Variants in SH3GL2 observed in about 807,000 individuals in gnomAD.
SH3GL2 encodes endophilin-A1.
A neutral mutation model predicts 46.0 loss-of-function variants in SH3GL2; 24 were observed. The ratio of observed to expected loss-of-function variants is 0.52; its 90% confidence interval spans 0.38 to 0.73. SH3GL2 has a LOEUF of 0.73. Ranked by LOEUF, SH3GL2 falls within the 30% of genes least tolerant of loss-of-function variation. SH3GL2 has a pLI of 0.00. For synonymous variants in SH3GL2, 196 were observed against 147.1 expected (o/e 1.33, Z -2.40); for missense variants, 413 against 424.2 (o/e 0.97, Z 0.23).
At chr9:17,763,257 G>T (rs1035181526) in intron 3 of SH3GL2, among the ~76,000 whole-genome samples, 2 of 152,182 alleles carry the variant, frequency 1.3e-5, no homozygotes, top group Admixed American at 6.5e-5. Context: ...TCTGTTGTAG[G>T]TAGGTGTGGT....
intron 1 of SH3GL2, among the ~76,000 whole-genome samples, chr9:17,690,166 T>C (rs899765791): frequency 6.6e-6 from 1 of 152,156 alleles, no homozygotes; most frequent in Non-Finnish European, 1.5e-5. Context: ...CTCTGATTTA[T>C]GTCTACACCC....
At chr9:17,772,082 C>T (rs1031953045) in intron 3 of SH3GL2, among the ~76,000 whole-genome samples, 2 of 152,146 alleles carry the variant, frequency 1.3e-5, no homozygotes, top group Non-Finnish European at 2.9e-5. Flanking sequence ...CATCAGAGGG[C>T]CACGTTTCAG....
chr9:17,740,899 G>C (rs572874196), intron 1 of SH3GL2, among the ~76,000 whole-genome samples: 1 of 152,246 alleles, frequency 6.6e-6, no homozygotes, highest in East Asian at 1.9e-4. Context: ...TGAAGAAATT[G>C]AGGCAGCAAG....
At chr9:17,743,921 T>C (rs1822606316) in intron 1 of SH3GL2, among the ~76,000 whole-genome samples, 1 of 152,216 alleles carries the variant, frequency 6.6e-6, no homozygotes, top group Non-Finnish European at 1.5e-5. Flanking sequence ...AGCTATATAT[T>C]TCCTTGTGTG....
At chr9:17,670,915 C>T (rs1156308681) in intron 1 of SH3GL2, among the ~76,000 whole-genome samples, 1 of 152,190 alleles carries the variant, frequency 6.6e-6, no homozygotes, top group Admixed American at 6.6e-5. Context: ...CTTTAATTCA[C>T]TAAGTATGGG....
chr9:17,758,506 G>T (rs1160341765), intron 2 of SH3GL2, among the ~76,000 whole-genome samples: 4 of 136,392 alleles, frequency 2.9e-5, no homozygotes, highest in Middle Eastern at 4.3e-3. Flanking sequence ...AGGTTGCGGT[G>T]AGCTGAGATT....
intron 3 of SH3GL2, among the ~76,000 whole-genome samples, chr9:17,770,923 C>A (rs1253007280): frequency 2.6e-5 from 4 of 152,172 alleles, no homozygotes; most frequent in Non-Finnish European, 5.9e-5. Flanking sequence ...CTCCACATGG[C>A]AAAGCAGTCT....
At chr9:17,786,553 C>A (rs938680615) in intron 4 of SH3GL2, 29 bp downstream of exon 4, 1 of 1,606,706 alleles carries the variant, frequency 6.2e-7, no homozygotes, top group Non-Finnish European at 8.5e-7. Flanking sequence ...CATTGTAATT[C>A]TTTCATTTGT....
intron 1 of SH3GL2, among the ~76,000 whole-genome samples, chr9:17,689,017 A>G (rs970638657): frequency 6.6e-5 from 10 of 152,066 alleles, no homozygotes; most frequent in African/African-American, 2.4e-4. Flanking sequence ...GGAGAAACCC[A>G]CACACACTAC....
chr9:17,603,461 T>C (rs916798306), intron 1 of SH3GL2, among the ~76,000 whole-genome samples: 1 of 151,972 alleles, frequency 6.6e-6, no homozygotes, highest in Non-Finnish European at 1.5e-5. Context: ...AGTAGAACAG[T>C]GGTTGAGAGG....
intron 3 of SH3GL2, among the ~76,000 whole-genome samples, chr9:17,768,370 CAAAAAAAAA>C (rs34891273): frequency 1.5e-5 from 1 of 67,224 alleles, no homozygotes; most frequent in African/African-American, 5.3e-5. Flanking sequence ...GACTCTGTCT[CAAAAAAAAA>C]AAAAAAAAAA....
intron 1 of SH3GL2, among the ~76,000 whole-genome samples, chr9:17,652,618 T>G (rs1819982804): frequency 6.6e-6 from 1 of 152,140 alleles, no homozygotes; most frequent in African/African-American, 2.4e-5. Flanking sequence ...ATAGAGTGAG[T>G]ATCCCTAATC....
chr9:17,738,198 A>G (rs1023589895), intron 1 of SH3GL2, among the ~76,000 whole-genome samples: 3 of 152,020 alleles, frequency 2.0e-5, no homozygotes, highest in African/African-American at 7.2e-5. Context: ...GAGTGCTGCT[A>G]TATTCATTCC....
intron 1 of SH3GL2, among the ~76,000 whole-genome samples, chr9:17,604,137 G>T (rs1409747719): frequency 6.6e-6 from 1 of 152,078 alleles, no homozygotes; most frequent in Non-Finnish European, 1.5e-5. Flanking sequence ...CACTTCATAC[G>T]TGAGAAAACT....
chr9:17,726,563 G>A (rs1202138665), intron 1 of SH3GL2, among the ~76,000 whole-genome samples: 1 of 151,822 alleles, frequency 6.6e-6, no homozygotes, highest in African/African-American at 2.4e-5. Context: ...AAATAGAAGG[G>A]GTATGAAGAA....
intron 1 of SH3GL2, among the ~76,000 whole-genome samples, chr9:17,745,629 T>C (rs1822660873): frequency 2.0e-5 from 3 of 152,002 alleles, no homozygotes; most frequent in African/African-American, 7.2e-5. Flanking sequence ...CTGAGTGTTT[T>C]CCCGATGGCA....
chr9:17,672,366 A>G (rs1238826472), intron 1 of SH3GL2, among the ~76,000 whole-genome samples: 2 of 152,176 alleles, frequency 1.3e-5, no homozygotes, highest in Non-Finnish European at 1.5e-5. Context: ...AGCAGAGACT[A>G]AAAGAACCAT....
At chr9:17,585,776 A>G (rs996935117) in intron 1 of SH3GL2, among the ~76,000 whole-genome samples, 1 of 152,180 alleles carries the variant, frequency 6.6e-6, no homozygotes, top group African/African-American at 2.4e-5. Context: ...GTAGGGGCCA[A>G]CCTTATCAAA....
chr9:17,792,061 AG>A (rs1156424573), intron 7 of SH3GL2, among the ~76,000 whole-genome samples: 12 of 152,196 alleles, frequency 7.9e-5, no homozygotes, highest in African/African-American at 2.7e-4. Context: ...TATACCTCAA[AG>A]GGTCACCTCA....
Sources: allele counts gnomAD v4.1 joint callset (sites outside exome capture counted in the v4.1 genomes callset), GRCh38; gene constraint gnomAD v4.1.1; transcripts MANE v1.5; gene names NCBI Gene and HGNC (gene_info 2026-07-23, HGNC 2026-07-21).